The following SSH3 variants were observed in gnomAD, a reference collection of about 807,000 sequenced individuals.
SSH3 encodes protein phosphatase Slingshot homolog 3.
Under a neutral mutation model 75.0 loss-of-function variants are expected in SSH3, and 67 were observed. That is an observed-to-expected ratio of 0.89 (90% CI 0.73 to 1.10). SSH3 has a LOEUF of 1.10. Among genes scored for constraint, SSH3 ranks in the 50% least tolerant of loss-of-function variants. The pLI is 0.00. For synonymous variants in SSH3, 318 were observed against 349.2 expected (o/e 0.91, Z 1.00); for missense variants, 824 against 872.7 (o/e 0.94, Z 0.70).
chr11:67,307,848 C>T lies in SSH3; in HGVS notation c.794C>T (p.Ser265Phe), dbSNP rs1184616758. ...LRPPSAEPGGSSEQEQMEQAI... is the reference protein window; with the variant it reads ...LRPPSAEPGGFSEQEQMEQAI... ...TGACTGAGGGGCTCTGCTCCCAGGT[C>T]CTCAGAACAGGAGCAGATGGAGCAG... The change falls in exon 8 of 14, where the codon TCC (serine) becomes TTC (phenylalanine). Residue 265 changes from serine (S) to phenylalanine (F), a missense_variant and splice_region_variant. Transcript: ENST00000308127. The surrounding 1 kb of genome is among the most constrained non-coding windows in gnomAD (Gnocchi z 4.2). 6.2e-7 allele frequency: 1 copy of T among 1,614,180 alleles called. No homozygotes were observed. Among genetic ancestry groups the T allele is most frequent in the Admixed American group, 1.7e-5 (1 of 60,022 alleles).
At chr11:67,306,356 T>C (rs1861244075) in intron 3 of SSH3, among the ~76,000 whole-genome samples, 1 of 151,674 alleles carries the variant, frequency 6.6e-6, no homozygotes, top group African/African-American at 2.4e-5. Context: ...TCCCAGCACT[T>C]TGGGAGGCTG....
At position 67,303,561 on chromosome 11, in the gene SSH3, C is replaced by T. The variant is rs753368550; in HGVS notation, c.-65C>T. The T allele has an allele frequency of 2.5e-5, 37 of 1,479,498 alleles. No homozygotes were observed. Among genetic ancestry groups the T allele is most frequent in the Middle Eastern group, 2.1e-4 (1 of 4,848 alleles). The allele number at this position is 1,479,498 out of a possible 1,614,324, so 91.6% of individuals were successfully genotyped here. ...CCTTCCTGGTCCTGCGGGTCCAGGA[C>T]TGTCCGCGGGGTTGAGGGAAGGGGC... On this transcript the variant is annotated 5_prime_UTR_variant, in exon 1 of 14. Coordinates refer to ENST00000308127, the MANE Select transcript of SSH3 (RefSeq NM_017857.4).
In SSH3 at chr11:67,309,645, C is replaced by T; in HGVS notation, c.1208+102C>T. 3 of 1,573,010 alleles carry T rather than the reference C, an allele frequency of 1.9e-6. No individual in the cohort carries two copies. The South Asian group carries it at 3.5e-5, about 18-fold the overall frequency. On this transcript the variant is annotated intron_variant, in intron 11 of 13. Transcript: ENST00000308127. ...CATCAGCTGTGCCATTCCTTCCAGC[C>T]CTCAGTGTCCTTCCCTCCTTCTCTA...
At chr11:67,309,678 T>A in intron 11 of SSH3, 90 bp from the exon 12 acceptor site, 1 of 1,585,470 alleles carries the variant, frequency 6.3e-7, no homozygotes. Flanking sequence ...CTACTCTCAG[T>A]TGGTTGTGAG....
At position 67,308,869 on chromosome 11, in the gene SSH3, C is replaced by T. The variant is rs1456639275; in HGVS notation, c.1061+411C>T. Among the ~76,000 whole-genome samples the T allele has an allele frequency of 5.9e-5, 9 of 152,028 alleles. No homozygotes were observed. Among genetic ancestry groups the T allele is most frequent in the Admixed American group, 5.2e-4 (8 of 15,272 alleles). On this transcript the variant is annotated intron_variant, in intron 10 of 13. Coordinates refer to ENST00000308127, the MANE Select transcript of SSH3 (RefSeq NM_017857.4). The surrounding 1 kb of genome is among the most constrained non-coding windows in gnomAD (Gnocchi z 4.9). ...TTGAGGCCGCAGTGAGCCGTGATCA[C>T]GCCACTGCACTCCAGCCTGGGCAAC...
chr11:67,308,181 A>T lies in SSH3; in HGVS notation c.893A>T (p.Gln298Leu). Residue 298 changes from glutamine to leucine, a missense_variant, in exon 9 of 14, where the codon CAG becomes CTG. Coordinates refer to ENST00000308127, the MANE Select transcript of SSH3 (RefSeq NM_017857.4). This position sits in a 1 kb window ranked among gnomAD's most constrained non-coding sequence, Gnocchi z 4.9. ...LESVTSKEIRQALELRLGLPL... is the reference protein window; with the variant it reads ...LESVTSKEIRLALELRLGLPL... ...CCTGGGCTCTGCCTGCAGATCCGCC[A>T]GGCTCTGGAGCTGCGCCTGGGGCTC... 6.2e-7 allele frequency: 1 copy of T among 1,613,382 alleles called. No individual in the cohort carries two copies.
Position 67,311,977 on chromosome 11 carries a change from C to A in SSH3, c.*90C>A. The A allele has an allele frequency of 6.5e-7, 1 of 1,535,634 alleles. No individual in the cohort carries two copies. Among genetic ancestry groups the A allele is most frequent in the Non-Finnish European group, 8.8e-7 (1 of 1,142,000 alleles). On this transcript the variant is annotated 3_prime_UTR_variant, in exon 14 of 14. Coordinates refer to ENST00000308127, the MANE Select transcript of SSH3 (RefSeq NM_017857.4). Reference sequence around the variant, plus strand: ...CTCACGTCTGTTGCCGCACACATTCCTCTCAGCTCCGCCCCATACCCGTCA... The same window carrying A: ...CTCACGTCTGTTGCCGCACACATTCATCTCAGCTCCGCCCCATACCCGTCA...
intron 3 of SSH3, among the ~76,000 whole-genome samples, chr11:67,305,923 A>T (rs1013783933): frequency 6.6e-6 from 1 of 152,158 alleles, no homozygotes; most frequent in African/African-American, 2.4e-5. Context: ...TTTGTCCTTA[A>T]TATTTCTTTG....
chr11:67,303,801 C>G, intron 1 of SSH3, 110 bp downstream of exon 1: 1 of 1,194,560 alleles, frequency 8.4e-7, no homozygotes, highest in Non-Finnish European at 1.1e-6. Context: ...GAGGGGGCCC[C>G]GGGGCTCGGG....
chr11:67,304,142 C>G lies in SSH3; in HGVS notation c.91C>G (p.Arg31Gly), dbSNP rs374323005. ...PWDQAVQRRS[R>G]LQRRQSFAVL... is the part of the protein sequence containing the mutation. ...GGACCAGGCGGTCCAGCGAAGGAGT[C>G]GACTCCAGCGAAGGTGAGCGCCACC... The change falls in exon 2 of 14, where the codon CGA becomes GGA. Residue 31 changes from arginine (R) to glycine (G), a missense_variant. Coordinates refer to ENST00000308127, the MANE Select transcript of SSH3 (RefSeq NM_017857.4). 6.3e-6 allele frequency: 10 copies of G among 1,599,338 alleles called. No individual in the cohort carries two copies. Among genetic ancestry groups the G allele is most frequent in the Non-Finnish European group, 7.6e-6 (9 of 1,176,724 alleles).
At chr11:67,310,738 C>T (rs569318759) in intron 13 of SSH3, among the ~76,000 whole-genome samples, 2 of 152,132 alleles carry the variant, frequency 1.3e-5, no homozygotes, top group Admixed American at 6.5e-5. Flanking sequence ...CAGCCTCGAT[C>T]GCGGGCAGGT....
At chr11:67,303,847 C>T (rs1861140501) in intron 1 of SSH3, 156 bp downstream of exon 1, 2 of 817,950 alleles carry the variant, frequency 2.4e-6, no homozygotes, top group South Asian at 2.1e-5. Flanking sequence ...GTCTCTGGTA[C>T]TGGCGCCGGG....
rs768699463 is a variant in SSH3 at position 67,309,910 on chromosome 11, C to T, written c.1351C>T (p.Arg451Cys). ...RHVQELRPIARPNPGFLRQLQ... is the reference protein window; with the variant it reads ...RHVQELRPIACPNPGFLRQLQ... ...CGTGCAGGAGCTCCGGCCCATCGCC[C>T]GCCCCAACCCTGGCTTCCTGCGCCA... is the stretch of plus-strand genomic sequence containing the variant. Residue 451 changes from arginine (R) to cysteine (C), a missense_variant, in exon 12 of 14, where the codon CGC (arginine) becomes TGC (cysteine). Transcript: ENST00000308127. 33 of 1,611,180 alleles carry T rather than the reference C, an allele frequency of 2.0e-5. No homozygotes were observed. Among genetic ancestry groups the T allele is most frequent in the African/African-American group, 1.6e-4 (12 of 74,958 alleles).
rs1343610101 is a variant in SSH3 at position 67,308,289 on chromosome 11, C to T, written c.1001C>T (p.Pro334Leu). The change falls in exon 9 of 14, where the codon CCC becomes CTC. Residue 334 changes from proline to leucine, a missense_variant. Pro to Leu is a moderately conservative substitution (Grantham distance 98, BLOSUM62 -3). Transcript: ENST00000308127. This position sits in a 1 kb window ranked among gnomAD's most constrained non-coding sequence, Gnocchi z 4.9. ...CGGGACCGAGCCTCCCGCATCTTCC[C>T]CCACCTCTACCTGGTGAGCTTCAGC... ...AQRDRASRIF[P>L]HLYLGSEWNA... 1.2e-6 allele frequency: 2 copies of T among 1,614,036 alleles called. No homozygotes were observed. Among genetic ancestry groups the T allele is most frequent in the Non-Finnish European group, 1.7e-6 (2 of 1,180,036 alleles).
intron 11 of SSH3, 110 bp from the exon 12 acceptor site, chr11:67,309,658 C>G: frequency 6.3e-7 from 1 of 1,576,026 alleles, no homozygotes; most frequent in African/African-American, 1.3e-5. Context: ...CAGTGTCCTT[C>G]CCTCCTTCTC....
chr11:67,307,163 G>A lies in SSH3; in HGVS notation c.536+50G>A, dbSNP rs201707503. On this transcript the variant is annotated intron_variant, in intron 5 of 13. Transcript: ENST00000308127. This position sits in a 1 kb window ranked among gnomAD's most constrained non-coding sequence, Gnocchi z 4.2. Reference sequence around the variant, plus strand: ...GGGCTGGAGGGTGGAATAACTGAGTGTGACGGATGTGACGGGGCCTGGGCA... The same window carrying A: ...GGGCTGGAGGGTGGAATAACTGAGTATGACGGATGTGACGGGGCCTGGGCA... 286 of 1,601,918 alleles carry A rather than the reference G, an allele frequency of 1.8e-4. 1 individual carries two copies. The African/African-American group carries it at 3.0e-3, about 17-fold the overall frequency.
chr11:67,308,973 G>C lies in SSH3; in HGVS notation c.1062-424G>C, dbSNP rs765430441. On this transcript the variant is annotated intron_variant, in intron 10 of 13. Coordinates refer to ENST00000308127, the MANE Select transcript of SSH3 (RefSeq NM_017857.4). The surrounding 1 kb of genome is among the most constrained non-coding windows in gnomAD (Gnocchi z 4.9). ...TTTCTCCACCTTGCCCTGTCTCAGG[G>C]AAGAAGGAACTGCCCTTCTCCCCGT... is the stretch of plus-strand genomic sequence containing the variant. Among the ~76,000 whole-genome samples the C allele has an allele frequency of 5.3e-5, 8 of 152,180 alleles. No individual in the cohort carries two copies. Among genetic ancestry groups the C allele is most frequent in the Non-Finnish European group, 1.2e-4 (8 of 68,036 alleles).
At chr11:67,310,018 G>T in intron 12 of SSH3, 48 bp from the exon 13 acceptor site, 1 of 1,609,718 alleles carries the variant, frequency 6.2e-7, no homozygotes, top group East Asian at 2.2e-5. Flanking sequence ...GTTTGCTGGG[G>T]GTGGCTGCTG....
Position 67,306,764 on chromosome 11 carries a change from T to C in SSH3, c.340-74T>C, listed in dbSNP as rs574007520. 7.5e-5 allele frequency: 113 copies of C among 1,504,300 alleles called. No homozygotes were observed. In the African/African-American group the frequency reaches 1.3e-3, roughly 17 times the overall value. The allele number at this position is 1,504,300 out of a possible 1,614,324, so 93.2% of individuals were successfully genotyped here. On this transcript the variant is annotated intron_variant, in intron 3 of 13. Coordinates refer to ENST00000308127, the MANE Select transcript of SSH3 (RefSeq NM_017857.4). ...GGAAGGAGCAGGGTCAGCACTGTTCTGGGCCTGGGGTGTCTAGGTGGGGAG... is the reference window on the plus strand; with the variant it reads ...GGAAGGAGCAGGGTCAGCACTGTTCCGGGCCTGGGGTGTCTAGGTGGGGAG...
Sources: gnomAD v4.1 joint callset for allele counts (sites outside exome capture counted in the v4.1 genomes callset) on GRCh38, gnomAD v4.1.1 for gene constraint, Gnocchi (gnomAD v3.1) non-coding constraint, MANE v1.5 for transcripts, NCBI Gene and HGNC (gene_info 2026-07-23, HGNC 2026-07-21) for gene names.